LRFN5: variants seen among roughly 807,000 people sequenced by gnomAD.
LRFN5 encodes leucine-rich repeat and fibronectin type-III domain-containing protein 5.
Under a neutral mutation model 45.6 loss-of-function variants are expected in LRFN5, and 24 were observed. That is an observed-to-expected ratio of 0.53 (90% CI 0.38 to 0.74). The LOEUF (loss-of-function observed/expected upper bound fraction) is 0.74. LRFN5 is among the 30% of genes least tolerant of loss of function. LRFN5 has a pLI of 0.00. For missense variants in LRFN5, 776 were observed against 861.5 expected (o/e 0.90, Z 1.24); for synonymous variants, 340 against 313.8 (o/e 1.08, Z -0.88).
intron 1 of LRFN5, among the ~76,000 whole-genome samples, chr14:41,671,546 A>G (rs565590770): frequency 1.3e-5 from 2 of 148,446 alleles, no homozygotes; most frequent in Non-Finnish European, 3.0e-5. Context: ...ACTTCGTGGT[A>G]TCACTTCCAA....
At chr14:41,650,270 A>T (rs113572548) in intron 1 of LRFN5, among the ~76,000 whole-genome samples, 31 of 133,374 alleles carry the variant, frequency 2.3e-4, no homozygotes, top group African/African-American at 9.3e-4. Flanking sequence ...CACACACAAA[A>T]AAAAAAAAGA....
At chr14:41,704,823 TAAA>T (rs1305258839) in intron 1 of LRFN5, among the ~76,000 whole-genome samples, 1 of 151,986 alleles carries the variant, frequency 6.6e-6, no homozygotes, top group Non-Finnish European at 1.5e-5. Context: ...GGAGAGGAAA[TAAA>T]GAAGAAACCT....
At chr14:41,811,677 A>G (rs895516621) in intron 2 of LRFN5, among the ~76,000 whole-genome samples, 1 of 152,108 alleles carries the variant, frequency 6.6e-6, no homozygotes, top group African/African-American at 2.4e-5. Flanking sequence ...ACTCCATATT[A>G]TAAGATTCCA....
intron 1 of LRFN5, among the ~76,000 whole-genome samples, chr14:41,697,739 T>C (rs1882675906): frequency 2.0e-5 from 3 of 151,754 alleles, no homozygotes; most frequent in Admixed American, 2.0e-4. Flanking sequence ...AAGATATGAC[T>C]ATTACAAATA....
At chr14:41,791,193 G>T (rs1484017187) in intron 2 of LRFN5, among the ~76,000 whole-genome samples, 1 of 151,620 alleles carries the variant, frequency 6.6e-6, no homozygotes, top group Non-Finnish European at 1.5e-5. Flanking sequence ...TTTAAAAAAA[G>T]TATTTTGGAA....
intron 1 of LRFN5, among the ~76,000 whole-genome samples, chr14:41,750,426 C>T (rs7147263): frequency 0.75 from 113,495 of 151,542 alleles, 42,768 homozygotes; most frequent in East Asian, 0.97. Flanking sequence ...GTGCAAGAGA[C>T]ATCATCTTTG....
chr14:41,755,171 A>T (rs1885317664), intron 1 of LRFN5, among the ~76,000 whole-genome samples: 1 of 151,906 alleles, frequency 6.6e-6, no homozygotes, highest in Non-Finnish European at 1.5e-5. Context: ...TGCTGAGGAG[A>T]GCTTTACTTC....
chr14:41,760,274 A>T (rs1352342768), intron 1 of LRFN5, among the ~76,000 whole-genome samples: 1 of 152,158 alleles, frequency 6.6e-6, no homozygotes, highest in Non-Finnish European at 1.5e-5. Flanking sequence ...ATATTCAGAC[A>T]TAGGGTCTTA....
chr14:41,818,522 C>A (rs1887999250), intron 2 of LRFN5, among the ~76,000 whole-genome samples: 1 of 151,806 alleles, frequency 6.6e-6, no homozygotes, highest in South Asian at 2.1e-4. Context: ...CACACACATA[C>A]ACATCCCATT....
chr14:41,888,222 T>C (rs888777389), intron 3 of LRFN5, among the ~76,000 whole-genome samples: 1 of 152,154 alleles, frequency 6.6e-6, no homozygotes, highest in African/African-American at 2.4e-5. Flanking sequence ...TATTTAATAT[T>C]ATGCTTACTT....
intron 1 of LRFN5, among the ~76,000 whole-genome samples, chr14:41,706,838 A>G (rs1249833822): frequency 6.6e-6 from 1 of 152,214 alleles, no homozygotes; most frequent in Non-Finnish European, 1.5e-5. Context: ...TTCTGTTATA[A>G]AAGAGATCTA....
chr14:41,698,071 C>T (rs1315566926), intron 1 of LRFN5, among the ~76,000 whole-genome samples: 1 of 151,736 alleles, frequency 6.6e-6, no homozygotes, highest in Non-Finnish European at 1.5e-5. Flanking sequence ...TAGTTGTAAA[C>T]ATTTTGTTTT....
At chr14:41,773,137 T>G (rs1235756267) in intron 2 of LRFN5, among the ~76,000 whole-genome samples, 1 of 152,106 alleles carries the variant, frequency 6.6e-6, no homozygotes, top group Non-Finnish European at 1.5e-5. Flanking sequence ...GGTTTAGCAT[T>G]TTTCTAAATG....
chr14:41,875,712 GGTTGCCTTCCAA>G (rs1269435273), intron 2 of LRFN5, among the ~76,000 whole-genome samples: 1 of 152,138 alleles, frequency 6.6e-6, no homozygotes, highest in Non-Finnish European at 1.5e-5. Flanking sequence ...GTGTCATTTT[GGTTGCCTTCCAA>G]GTTGTTCTGA....
chr14:41,724,694 A>C (rs1329264524), intron 1 of LRFN5, among the ~76,000 whole-genome samples: 1 of 152,162 alleles, frequency 6.6e-6, no homozygotes, highest in Non-Finnish European at 1.5e-5. Context: ...CTAATATATA[A>C]TATAGAATGT....
At chr14:41,729,192 C>T (rs540671500) in intron 1 of LRFN5, among the ~76,000 whole-genome samples, 38 of 152,238 alleles carry the variant, frequency 2.5e-4, no homozygotes, top group African/African-American at 8.7e-4. Flanking sequence ...TTTAGGGGGT[C>T]AGATCCCTTG....
At chr14:41,878,386 T>C (rs1159694130) in intron 2 of LRFN5, among the ~76,000 whole-genome samples, 2 of 152,110 alleles carry the variant, frequency 1.3e-5, no homozygotes, top group East Asian at 1.9e-4. Context: ...TGCTACCATA[T>C]TGGTTTCTGC....
At chr14:41,735,972 A>G (rs1443062395) in intron 1 of LRFN5, among the ~76,000 whole-genome samples, 1 of 152,138 alleles carries the variant, frequency 6.6e-6, no homozygotes, top group Non-Finnish European at 1.5e-5. Flanking sequence ...TCCATGGTGT[A>G]TATGTGCCAT....
rs985209162 is a variant in LRFN5 at position 41,607,535 on chromosome 14, GCGCGCGCGTGTGTACGCGCGC to G, written c.-1223_-1203del. 6.6e-6 allele frequency: 1 copy of G among 152,170 alleles called. No homozygotes were observed. Among genetic ancestry groups the G allele is most frequent in the Non-Finnish European group, 1.5e-5 (1 of 68,062 alleles). The allele number at this position is 152,170 out of a possible 1,614,324, so 9.4% of individuals were successfully genotyped here. A position where few individuals can be genotyped will look rare whatever the true frequency, so the allele number is the denominator to read the frequency against. ...TTTCCAGCTAGCTGCGTGTGTGTGT[GCGCGCGCGTGTGTACGCGCGC>G]GCCTATCTGATGCATTTGACTGTCT... On this transcript the variant is annotated 5_prime_UTR_variant, in exon 1 of 6. Coordinates refer to ENST00000298119, the MANE Select transcript of LRFN5 (RefSeq NM_152447.5).
Sources: allele counts gnomAD v4.1 joint callset (sites outside exome capture counted in the v4.1 genomes callset), GRCh38; gene constraint gnomAD v4.1.1; transcripts MANE v1.5; gene names NCBI Gene and HGNC (gene_info 2026-07-23, HGNC 2026-07-21).